Variants in PCDHA8 observed in about 807,000 individuals in gnomAD.
The protein encoded by PCDHA8 is protocadherin alpha 8, also known as protocadherin alpha-8.
Under a neutral mutation model 61.8 loss-of-function variants are expected in PCDHA8, and 53 were observed. That is an observed-to-expected ratio of 0.86 (90% CI 0.69 to 1.08). The LOEUF is 1.08. Ranked by LOEUF, PCDHA8 falls within the 50% of genes least tolerant of loss-of-function variation. The pLI is 0.00. For missense variants in PCDHA8, 1,293 were observed against 1,245.0 expected (o/e 1.04, Z -0.58); for synonymous variants, 618 against 556.6 (o/e 1.11, Z -1.55).
intron 1 of PCDHA8, among the ~76,000 whole-genome samples, chr5:140,906,888 A>C (rs1438258969): frequency 6.6e-6 from 1 of 152,102 alleles, no homozygotes; most frequent in Admixed American, 6.5e-5. Flanking sequence ...CTTCCTTCTT[A>C]GATTGTTGGT....
intron 1 of PCDHA8, among the ~76,000 whole-genome samples, chr5:140,846,743 T>C (rs1359038647): frequency 1.3e-5 from 2 of 149,312 alleles, no homozygotes; most frequent in Admixed American, 6.7e-5. Context: ...ATAGGACCCT[T>C]ACAGATCTCT....
At chr5:140,988,169 A>G (rs1384072642) in intron 3 of PCDHA8, among the ~76,000 whole-genome samples, 3 of 152,128 alleles carry the variant, frequency 2.0e-5, no homozygotes. Flanking sequence ...TGTCATAGCA[A>G]TGACAGTCCT....
At position 140,883,742 on chromosome 5, in the gene PCDHA8, T is replaced by C. The variant is rs782074620; in HGVS notation, c.2394+40027T>C. 8 of 1,613,220 alleles carry C rather than the reference T, an allele frequency of 5.0e-6. No homozygotes were observed. In the African/African-American group the frequency reaches 8.0e-5, roughly 16 times the overall value. ...CGCACAGGAGAACGCGCTGGTCTCC[T>C]ACTCGCTGGTGGAGCGGCGGGTGGG... On this transcript the variant is annotated intron_variant, in intron 1 of 3. Transcript: ENST00000531613.
chr5:141,009,562 C>G lies in PCDHA8; in HGVS notation c.2543-65C>G, dbSNP rs1469033090. On this transcript the variant is annotated intron_variant, in intron 3 of 3. Transcript: ENST00000531613. ...GCCTATGCAGTACTCCTGTACTCTA[C>G]CAGCAGTGTGGCATCAAGAGCATGT... The G allele has an allele frequency of 2.5e-6, 4 of 1,571,226 alleles. No individual in the cohort carries two copies. In the African/African-American group the frequency reaches 5.4e-5, roughly 21 times the overall value.
intron 1 of PCDHA8, among the ~76,000 whole-genome samples, chr5:140,977,515 C>T (rs2096764078): frequency 6.6e-6 from 1 of 152,158 alleles, no homozygotes; most frequent in African/African-American, 2.4e-5. Context: ...ATTTTGTGAA[C>T]TTGAAAACAA....
In PCDHA8 at chr5:140,856,281, T is replaced by C. The variant is rs782635462; in HGVS notation, c.2394+12566T>C. On this transcript the variant is annotated intron_variant, in intron 1 of 3. Transcript: ENST00000531613. The stretch of plus-strand genomic sequence containing the variant: ...CACGGGGACCTTCTGGAGGTAAATC[T>C]GCAGAATGGCATTTTGTTTGTGAAT... 8.1e-6 allele frequency: 13 copies of C among 1,598,288 alleles called. 1 individual carries two copies. Among genetic ancestry groups the C allele is most frequent in the Non-Finnish European group, 1.1e-5 (13 of 1,168,008 alleles).
chr5:140,851,254 A>G (rs2150271165), intron 1 of PCDHA8: 1 of 1,091,684 alleles, frequency 9.2e-7, no homozygotes, highest in East Asian at 4.0e-5. Context: ...GATGCATAGT[A>G]TTTTAGTCTA....
At chr5:140,862,968 G>C in intron 1 of PCDHA8, 1 of 544,810 alleles carries the variant, frequency 1.8e-6, no homozygotes, top group Non-Finnish European at 3.6e-6. Context: ...GTGGATGCAG[G>C]CCACTTGGTG....
intron 1 of PCDHA8, among the ~76,000 whole-genome samples, chr5:140,872,813 A>G (rs2053916797): frequency 6.6e-6 from 1 of 152,208 alleles, no homozygotes; most frequent in Non-Finnish European, 1.5e-5. Flanking sequence ...TAAGTTTTTC[A>G]GATTCATCTA....
intron 1 of PCDHA8, chr5:140,883,260 C>A (rs1554177345): frequency 6.2e-7 from 1 of 1,613,946 alleles, no homozygotes; most frequent in Non-Finnish European, 8.5e-7. Context: ...ATTCCAATGG[C>A]GGGTCATTGT....
At chr5:140,912,523 A>G (rs550105639) in intron 1 of PCDHA8, among the ~76,000 whole-genome samples, 1 of 152,248 alleles carries the variant, frequency 6.6e-6, no homozygotes, top group East Asian at 1.9e-4. Context: ...TAGGGTTTTC[A>G]GAGTACATGA....
chr5:140,852,094 C>A, intron 1 of PCDHA8: 2 of 907,306 alleles, frequency 2.2e-6, no homozygotes, highest in Non-Finnish European at 2.7e-6. Flanking sequence ...AATATTGTGT[C>A]AGATATTTTA....
chr5:140,851,315 T>C (rs2042026513), intron 1 of PCDHA8: 1 of 992,586 alleles, frequency 1.0e-6, no homozygotes, highest in African/African-American at 1.7e-5. Context: ...AATTGTTACC[T>C]TGTTAAGTTT....
Position 140,841,503 on chromosome 5 carries a change from C to T in PCDHA8, c.182C>T (p.Pro61Leu), listed in dbSNP as rs2150316766. Residue 61 changes from proline to leucine, a missense_variant, in exon 1 of 4, where the codon CCG becomes CTG. Pro to Leu is a moderately conservative substitution (Grantham distance 98). Coordinates refer to ENST00000531613, the MANE Select transcript of PCDHA8 (RefSeq NM_018911.3). Reference protein sequence around the residue: ...DLGLELAELVPRLFRVASKRH... With the variant: ...DLGLELAELVLRLFRVASKRH... ...GGGCTGGAGCTGGCGGAGCTGGTGC[C>T]GCGCCTGTTCCGGGTGGCGTCCAAA... is the stretch of plus-strand genomic sequence containing the variant. 3 of 1,613,300 alleles carry T rather than the reference C, an allele frequency of 1.9e-6. No homozygotes were observed. The highest frequency in any genetic ancestry group is 1.3e-5 in the African/African-American group (1 of 74,974).
intron 1 of PCDHA8, among the ~76,000 whole-genome samples, chr5:140,951,423 C>T (rs1324305371): frequency 6.6e-6 from 1 of 152,014 alleles, no homozygotes; most frequent in Non-Finnish European, 1.5e-5. Flanking sequence ...CTCACAGTTC[C>T]ACAGGCTGTA....
At position 140,849,878 on chromosome 5, in the gene PCDHA8, G is replaced by A. The variant is rs2150455933; in HGVS notation, c.2394+6163G>A. On this transcript the variant is annotated intron_variant, in intron 1 of 3. Transcript: ENST00000531613. ...CAGCGTTCGCGCAGTCCGAGTACACGGTGTTCGTGAAGGAGAACAACCCGC... is the reference window on the plus strand; with the variant it reads ...CAGCGTTCGCGCAGTCCGAGTACACAGTGTTCGTGAAGGAGAACAACCCGC... The A allele has an allele frequency of 1.1e-5, 17 of 1,598,602 alleles. 2 individuals are homozygous for A. The Middle Eastern group carries it at 5.1e-4, about 48-fold the overall frequency.
intron 1 of PCDHA8, among the ~76,000 whole-genome samples, chr5:140,965,161 G>A (rs151157194): frequency 1.5e-4 from 23 of 152,334 alleles, no homozygotes; most frequent in African/African-American, 5.5e-4. Flanking sequence ...GAGAAAGGAC[G>A]TTTTAGTGAG....
In PCDHA8 at chr5:140,875,869, T is replaced by C. The variant is rs2055890630; in HGVS notation, c.2394+32154T>C. ...GGACATTAACGACAACCCGCCGGTG[T>C]TCAGAGAAAGGGAACAAAAGGTACC... On this transcript the variant is annotated intron_variant, in intron 1 of 3. Coordinates refer to ENST00000531613, the MANE Select transcript of PCDHA8 (RefSeq NM_018911.3). 4.3e-6 allele frequency: 7 copies of C among 1,614,170 alleles called. No individual in the cohort carries two copies. The East Asian group carries it at 1.6e-4, about 36-fold the overall frequency.
intron 1 of PCDHA8, among the ~76,000 whole-genome samples, chr5:140,915,956 A>G (rs1170172761): frequency 6.6e-6 from 1 of 151,996 alleles, no homozygotes; most frequent in African/African-American, 2.4e-5. Flanking sequence ...ATACTTAGAA[A>G]TTTGCCTGAT....
Sources: gnomAD v4.1 joint callset for allele counts (sites outside exome capture counted in the v4.1 genomes callset) on GRCh38, gnomAD v4.1.1 for gene constraint, MANE v1.5 for transcripts, NCBI Gene and HGNC (gene_info 2026-07-23, HGNC 2026-07-21) for gene names.